NAB1: variants seen among roughly 807,000 people sequenced by gnomAD.
NAB1 encodes NGFI-A binding protein 1, also known as NGFI-A-binding protein 1.
Under a neutral mutation model 49.9 loss-of-function variants are expected in NAB1, and 25 were observed. The observed-to-expected ratio is 0.50, with a 90% CI of 0.37 to 0.70. The LOEUF (loss-of-function observed/expected upper bound fraction) is 0.70. Ranked by LOEUF, NAB1 falls within the 30% of genes least tolerant of loss-of-function variation. The pLI is 0.00. For missense variants in NAB1, 489 were observed against 575.9 expected (o/e 0.85, Z 1.54); for synonymous variants, 198 against 215.6 (o/e 0.92, Z 0.71).
In NAB1 at chr2:190,666,178, T is replaced by C. The variant is rs535455974; in HGVS notation, c.820-4148T>C. Among the ~76,000 whole-genome samples the C allele has an allele frequency of 2.0e-5, 3 of 152,250 alleles. No individual in the cohort carries two copies. Among genetic ancestry groups the C allele is most frequent in the East Asian group, 3.9e-4 (2 of 5,190 alleles). ...TCTGAGAGGGGCCAGTAATGGTACC[T>C]AGCCCTCCCAGTGCTGGAAATGAAA... is the stretch of plus-strand genomic sequence containing the variant. On this transcript the variant is annotated intron_variant, in intron 4 of 9. Transcript: ENST00000337386. The surrounding 1 kb of genome is among the most constrained non-coding windows in gnomAD (Gnocchi z 5.6).
rs575147882 is a variant in NAB1, at chr2:190,659,487, C to T, written c.311C>T (p.Pro104Leu). Residue 104 changes from proline (P) to leucine (L), a missense_variant, in exon 4 of 10, where the codon CCA (proline) becomes CTA (leucine). Physicochemically the swap from Pro to Leu is moderately conservative, Grantham distance 98. This residue lies in a region of NAB1 where 204 missense variants were observed against 220.9 expected (regional missense o/e 0.92). Coordinates refer to ENST00000337386, the MANE Select transcript of NAB1 (RefSeq NM_005966.4). The surrounding 1 kb of genome is among the most constrained non-coding windows in gnomAD (Gnocchi z 6.2). ...IPIYKLPEGS[P>L]TWLGISCSSY... The stretch of plus-strand genomic sequence containing the variant: ...ATCTATAAATTACCAGAGGGATCAC[C>T]AACATGGCTGGGAATATCCTGCAGT... 1.9e-6 allele frequency: 3 copies of T among 1,614,194 alleles called. No homozygotes were observed. The South Asian group carries it at 3.3e-5, about 18-fold the overall frequency.
Position 190,654,364 on chromosome 2 carries a change from G to C in NAB1, c.-196-1613G>C, listed in dbSNP as rs1693817369. Among the ~76,000 whole-genome samples, 1 of 152,164 alleles carries C rather than the reference G, an allele frequency of 6.6e-6. No homozygotes were observed. Among genetic ancestry groups the C allele is most frequent in the South Asian group, 2.1e-4 (1 of 4,828 alleles). On this transcript the variant is annotated intron_variant, in intron 2 of 9. Transcript: ENST00000337386. The surrounding 1 kb of genome is among the most constrained non-coding windows in gnomAD (Gnocchi z 5.6). ...TTCCCCAGAACTGGCTTAGTTGTTG[G>C]TGTTATTTGAATAAGTTCAAAATGT...
rs1693565209 is a variant in NAB1, at chr2:190,649,826, T to C, written c.-333-20T>C. The stretch of plus-strand genomic sequence containing the variant: ...TTCTTGGGTATCTTCCCTTTCCGAA[T>C]GTAGTTTTCTTTTTAAAAGCGGAAG... On this transcript the variant is annotated intron_variant, in intron 1 of 9. Coordinates refer to ENST00000337386, the MANE Select transcript of NAB1 (RefSeq NM_005966.4). The surrounding 1 kb of genome is among the most constrained non-coding windows in gnomAD (Gnocchi z 6.1). 1 of 152,194 alleles carries C rather than the reference T, an allele frequency of 6.6e-6. No homozygotes were observed. Among genetic ancestry groups the C allele is most frequent in the Non-Finnish European group, 1.5e-5 (1 of 68,046 alleles). The allele number at this position is 152,194 out of a possible 1,614,324, so 9.4% of individuals were successfully genotyped here. A position where few individuals can be genotyped will look rare whatever the true frequency, so the allele number is the denominator to read the frequency against.
In NAB1 at chr2:190,690,507, C is replaced by T; in HGVS notation, c.*174C>T. 1 of 532,352 alleles carries T rather than the reference C, an allele frequency of 1.9e-6. No individual in the cohort carries two copies. 33.0% of individuals were successfully genotyped at this position (532,352 alleles called of 1,614,324 possible). A position where few individuals can be genotyped will look rare whatever the true frequency, so the allele number is the denominator to read the frequency against. ...GAAACCAGGAAGATAAAACAACAGCCACAAAAGAGAAAATCAAGAGTGTTG... is the reference window on the plus strand; with the variant it reads ...GAAACCAGGAAGATAAAACAACAGCTACAAAAGAGAAAATCAAGAGTGTTG... On this transcript the variant is annotated 3_prime_UTR_variant, in exon 10 of 10. Transcript: ENST00000337386.
rs1318964519 is a variant in NAB1 at position 190,652,288 on chromosome 2, A to G, written c.-197+2306A>G. On this transcript the variant is annotated intron_variant, in intron 2 of 9. Transcript: ENST00000337386. The surrounding 1 kb of genome is among the most constrained non-coding windows in gnomAD (Gnocchi z 4.2). ...TTAATTTAATGATTTTTACAGAGAA[A>G]CTTCTGAAAAGGTGAAAAAAACTTA... Among the ~76,000 whole-genome samples the G allele has an allele frequency of 6.6e-6, 1 of 152,180 alleles. No homozygotes were observed. Among genetic ancestry groups the G allele is most frequent in the African/African-American group, 2.4e-5 (1 of 41,440 alleles).
At chr2:190,673,762 G>A (rs558019231) in intron 6 of NAB1, among the ~76,000 whole-genome samples, 2 of 152,298 alleles carry the variant, frequency 1.3e-5, no homozygotes, top group South Asian at 4.1e-4. Context: ...GAGTGTCACG[G>A]TTGAGGCTGC....
chr2:190,658,090 T>C lies in NAB1; in HGVS notation c.-19-1068T>C, dbSNP rs117715498. 3.3e-5 allele frequency among the ~76,000 whole-genome samples: 5 copies of C among 152,340 alleles called. No individual in the cohort carries two copies. In the East Asian group the frequency reaches 9.6e-4, roughly 29 times the overall value. The stretch of plus-strand genomic sequence containing the variant: ...GCTGCTAAGAGGTCAAGAAGTACTT[T>C]GCTGAGTCTTGTTCTGTCTCTTTAA... On this transcript the variant is annotated intron_variant, in intron 3 of 9. Transcript: ENST00000337386.
rs1695808449 is a variant in NAB1, at chr2:190,689,477, T to C, written c.1376-768T>C. 6.6e-6 allele frequency among the ~76,000 whole-genome samples: 1 copy of C among 152,214 alleles called. No individual in the cohort carries two copies. The highest frequency in any genetic ancestry group is 6.5e-5 in the Admixed American group (1 of 15,282). ...TATTTAATTTCAGATAAGCTATTAG[T>C]ATTGATTACTTTCTAGAATCCAAGG... On this transcript the variant is annotated intron_variant, in intron 9 of 9. Coordinates refer to ENST00000337386, the MANE Select transcript of NAB1 (RefSeq NM_005966.4). The surrounding 1 kb of genome is among the most constrained non-coding windows in gnomAD (Gnocchi z 4.3).
Position 190,651,285 on chromosome 2 carries a change from T to C in NAB1, c.-197+1303T>C, listed in dbSNP as rs1480854348. Among the ~76,000 whole-genome samples, 1 of 152,206 alleles carries C rather than the reference T, an allele frequency of 6.6e-6. No individual in the cohort carries two copies. On this transcript the variant is annotated intron_variant, in intron 2 of 9. Transcript: ENST00000337386. The surrounding 1 kb of genome is among the most constrained non-coding windows in gnomAD (Gnocchi z 4.3). ...AAAATTATTCAGTTGAGTAATCTCT[T>C]TTTTGTAAGTGGCAAATAACATCCA...
At chr2:190,660,336 CTT>C (rs902898987) in intron 4 of NAB1, among the ~76,000 whole-genome samples, 14 of 152,116 alleles carry the variant, frequency 9.2e-5, no homozygotes, top group East Asian at 1.9e-4. Flanking sequence ...TTAAATATAA[CTT>C]TTAAAAAACA....
Position 190,689,717 on chromosome 2 carries a change from G to A in NAB1, c.1376-528G>A, listed in dbSNP as rs1023898424. On this transcript the variant is annotated intron_variant, in intron 9 of 9. Coordinates refer to ENST00000337386, the MANE Select transcript of NAB1 (RefSeq NM_005966.4). This position sits in a 1 kb window ranked among gnomAD's most constrained non-coding sequence, Gnocchi z 4.3. ...TCCCCTACCTTAATATGTCATTGTC[G>A]GAAGAACTTTAAAAAATAGTTCCAA... Among the ~76,000 whole-genome samples, 5 of 151,794 alleles carry A rather than the reference G, an allele frequency of 3.3e-5. No individual in the cohort carries two copies. The highest frequency in any genetic ancestry group is 4.8e-5 in the African/African-American group (2 of 41,316).
Position 190,663,439 on chromosome 2 carries a change from T to C in NAB1, c.819+3444T>C, listed in dbSNP as rs1016646482. 2.6e-5 allele frequency among the ~76,000 whole-genome samples: 4 copies of C among 152,184 alleles called. No individual in the cohort carries two copies. Among genetic ancestry groups the C allele is most frequent in the Admixed American group, 1.3e-4 (2 of 15,276 alleles). ...ACCTCCTGTTTTTATAAATAAATTT[T>C]TATTGGCACACAGCTGGGCCTATTT... On this transcript the variant is annotated intron_variant, in intron 4 of 9. Transcript: ENST00000337386. The surrounding 1 kb of genome is among the most constrained non-coding windows in gnomAD (Gnocchi z 4.2).
At chr2:190,650,154 T>G (rs1693585843) in intron 2 of NAB1, among the ~76,000 whole-genome samples, 172 bp downstream of exon 2, 1 of 152,240 alleles carries the variant, frequency 6.6e-6, no homozygotes, top group Admixed American at 6.5e-5. Flanking sequence ...CATTTGTCGA[T>G]TCTGCAGACC....
chr2:190,678,374 T>C lies in NAB1; in HGVS notation c.1005+5222T>C, dbSNP rs1230734385. Among the ~76,000 whole-genome samples the C allele has an allele frequency of 6.6e-6, 1 of 152,214 alleles. No homozygotes were observed. The highest frequency in any genetic ancestry group is 2.4e-5 in the African/African-American group (1 of 41,444). ...AAATTTGTTATTAACTCCAATGTTA[T>C]AAGTAACATCTTAGAAGGGAGGAAG... On this transcript the variant is annotated intron_variant, in intron 6 of 9. Transcript: ENST00000337386. The surrounding 1 kb of genome is among the most constrained non-coding windows in gnomAD (Gnocchi z 4.9).
intron 4 of NAB1, among the ~76,000 whole-genome samples, chr2:190,661,348 C>A (rs567677136): frequency 2.6e-5 from 4 of 152,196 alleles, no homozygotes; most frequent in African/African-American, 9.6e-5. Context: ...TGGGAGTATC[C>A]TTTGAACCAG....
rs1574461786 is a variant in NAB1, at chr2:190,675,514, ACTTGAGTTATAGTT to A, written c.1005+2365_1005+2378del. Among the ~76,000 whole-genome samples the A allele has an allele frequency of 6.6e-6, 1 of 152,210 alleles. No homozygotes were observed. On this transcript the variant is annotated intron_variant, in intron 6 of 9. Coordinates refer to ENST00000337386, the MANE Select transcript of NAB1 (RefSeq NM_005966.4). The surrounding 1 kb of genome is among the most constrained non-coding windows in gnomAD (Gnocchi z 5.2). ...CCTTTAAATATACTCCACTAGAGATACTTGAGTTATAGTTCTATACGGTTAGTTTATTGGTTTAC... is the reference window on the plus strand; with the variant it reads ...CCTTTAAATATACTCCACTAGAGATACTATACGGTTAGTTTATTGGTTTAC...
chr2:190,666,133 A>C lies in NAB1; in HGVS notation c.820-4193A>C, dbSNP rs1157246639. Among the ~76,000 whole-genome samples, 3 of 152,128 alleles carry C rather than the reference A, an allele frequency of 2.0e-5. No individual in the cohort carries two copies. Among genetic ancestry groups the C allele is most frequent in the Non-Finnish European group, 2.9e-5 (2 of 67,980 alleles). ...AGATGATCCCCTCCCTATTTTATTT[A>C]ACATTTTTAGTTTTTTTTTTCTGAG... On this transcript the variant is annotated intron_variant, in intron 4 of 9. Coordinates refer to ENST00000337386, the MANE Select transcript of NAB1 (RefSeq NM_005966.4). The surrounding 1 kb of genome is among the most constrained non-coding windows in gnomAD (Gnocchi z 5.6).
At position 190,652,070 on chromosome 2, in the gene NAB1, A is replaced by T. The variant is rs1288976289; in HGVS notation, c.-197+2088A>T. ...TGATCTGACATGTTCAATAACTCAT[A>T]CAACAGTAGAATATACTCCTTAAAC... On this transcript the variant is annotated intron_variant, in intron 2 of 9. Transcript: ENST00000337386. This position sits in a 1 kb window ranked among gnomAD's most constrained non-coding sequence, Gnocchi z 4.2. Among the ~76,000 whole-genome samples the T allele has an allele frequency of 6.6e-6, 1 of 152,222 alleles. No homozygotes were observed. The highest frequency in any genetic ancestry group is 1.5e-5 in the Non-Finnish European group (1 of 68,034).
intron 3 of NAB1, among the ~76,000 whole-genome samples, chr2:190,658,683 T>A (rs1334864428): frequency 6.6e-6 from 1 of 152,246 alleles, no homozygotes; most frequent in East Asian, 1.9e-4. Flanking sequence ...AAAATGGGAA[T>A]AACTGTACCT....
Sources: allele counts gnomAD v4.1 joint callset (sites outside exome capture counted in the v4.1 genomes callset), GRCh38; gene constraint gnomAD v4.1.1; regional missense constraint gnomAD v4.1.1; non-coding constraint Gnocchi (gnomAD v3.1); transcripts MANE v1.5; gene names NCBI Gene and HGNC (gene_info 2026-07-23, HGNC 2026-07-21).